SOX5: variants seen among roughly 807,000 people sequenced by gnomAD.
SOX5 encodes transcription factor SOX-5.
A neutral mutation model predicts 92.0 loss-of-function variants in SOX5; 9 were observed. The ratio of observed to expected loss-of-function variants is 0.10; its 90% CI spans 0.06 to 0.17. The LOEUF is 0.17. Ranked by LOEUF, SOX5 falls within the 10% of genes least tolerant of loss-of-function variation. The pLI is 1.00. For synonymous variants in SOX5, 344 were observed against 336.3 expected, an observed-to-expected ratio of 1.02 and a Z score of -0.25; for missense variants, 642 against 944.5, an observed-to-expected ratio of 0.68 and a Z score of 4.20.
chr12:24,214,611 T>C (rs1853882821), intron 3 of SOX5, among the ~76,000 whole-genome samples: 1 of 152,084 alleles, frequency 6.6e-6, no homozygotes, highest in Non-Finnish European at 1.5e-5. Context: ...TTATTAAAAT[T>C]GTATAAATAA....
chr12:24,306,198 C>G (rs1350087692), intron 2 of SOX5, among the ~76,000 whole-genome samples: 1 of 152,160 alleles, frequency 6.6e-6, no homozygotes, highest in African/African-American at 2.4e-5. Context: ...TGGGCGTTTG[C>G]TGTTCACCTC....
chr12:24,001,267 T>G (rs1423644747), intron 4 of SOX5, among the ~76,000 whole-genome samples: 1 of 152,038 alleles, frequency 6.6e-6, no homozygotes, highest in East Asian at 1.9e-4. Flanking sequence ...TTTTTTGGTT[T>G]TTTAAACAGA....
chr12:23,608,108 G>GAAAAAAAA (rs1566278538), intron 8 of SOX5, among the ~76,000 whole-genome samples: 3 of 5,676 alleles, frequency 5.3e-4, no homozygotes, highest in African/African-American at 7.7e-4. Flanking sequence ...TGTCTCAAAA[G>GAAAAAAAA]AAAAAAGAAA....
intron 4 of SOX5, among the ~76,000 whole-genome samples, chr12:24,112,783 A>T (rs1248041164): frequency 1.3e-5 from 2 of 151,476 alleles, no homozygotes; most frequent in South Asian, 4.2e-4. Context: ...CAATCTGCCT[A>T]CCCACCTTGG....
chr12:24,366,860 T>C (rs1192268216), intron 2 of SOX5, among the ~76,000 whole-genome samples: 1 of 151,988 alleles, frequency 6.6e-6, no homozygotes, highest in Non-Finnish European at 1.5e-5. Context: ...TCCTTTTCAA[T>C]TAAATTTACA....
chr12:23,558,698 G>C (rs958287100), intron 11 of SOX5, among the ~76,000 whole-genome samples: 1 of 152,194 alleles, frequency 6.6e-6, no homozygotes, highest in African/African-American at 2.4e-5. Context: ...TGCCTCCCAG[G>C]TTCAAGTGAT....
chr12:24,167,137 C>T (rs902672915), intron 4 of SOX5, among the ~76,000 whole-genome samples: 23 of 152,162 alleles, frequency 1.5e-4, no homozygotes, highest in Admixed American at 2.6e-4. Context: ...CTGTGTAATA[C>T]GACAAGGACC....
At chr12:23,951,957 C>T (rs936005183), upstream of SOX5, among the ~76,000 whole-genome samples, 3 of 152,120 alleles carry the variant, frequency 2.0e-5, no homozygotes, top group South Asian at 6.2e-4. Context: ...TTTTTTCAGC[C>T]CTTAAGGGAC....
chr12:24,238,598 C>G lies in SOX5; in HGVS notation c.-76-25181G>C, dbSNP rs148464656. 4.6e-4 allele frequency among the ~76,000 whole-genome samples: 70 copies of G among 152,288 alleles called. No individual in the cohort carries two copies. In the East Asian group the frequency reaches 0.01, roughly 23 times the overall value. On this transcript the variant is annotated intron_variant, in intron 3 of 4. Coordinates refer to the SOX5 transcript ENST00000446891. ...TCTTAAACTCCTGAGCTCAAGTCAT[C>G]AGTCTTCCTCAGCTTCCCAAAGTGC...
At chr12:23,803,072 T>G (rs1417649384) in intron 3 of SOX5, among the ~76,000 whole-genome samples, 1 of 152,218 alleles carries the variant, frequency 6.6e-6, no homozygotes, top group East Asian at 1.9e-4. Context: ...GTGCCAGAAT[T>G]AGCTTCTCTA....
chr12:23,892,916 ACT>A (rs1438494177), intron 2 of SOX5, among the ~76,000 whole-genome samples: 1 of 152,068 alleles, frequency 6.6e-6, no homozygotes, highest in Non-Finnish European at 1.5e-5. Flanking sequence ...CAGTTAAGAA[ACT>A]CTTGCTTTAG....
At chr12:23,694,746 T>C (rs187948277) in intron 6 of SOX5, among the ~76,000 whole-genome samples, 46 of 152,060 alleles carry the variant, frequency 3.0e-4, no homozygotes, top group African/African-American at 1.1e-3. Flanking sequence ...ACTATAGTTT[T>C]GCATTTTATA....
In SOX5 at chr12:23,992,932, A is replaced by G. The variant is rs946667171; in HGVS notation, c.-1-96908T>C. ...CAACCACTCTATAGTGGAATATGTG[A>G]AAGAAAAAAGAAGGATGACAAAATA... On this transcript the variant is annotated intron_variant, in intron 4 of 4. Coordinates refer to the SOX5 transcript ENST00000446891. 6.6e-5 allele frequency among the ~76,000 whole-genome samples: 10 copies of G among 152,296 alleles called. No individual in the cohort carries two copies. In the East Asian group the frequency reaches 1.7e-3, roughly 26 times the overall value.
chr12:24,104,509 GA>G (rs1314536481), intron 4 of SOX5, among the ~76,000 whole-genome samples: 2 of 152,156 alleles, frequency 1.3e-5, no homozygotes, highest in Non-Finnish European at 2.9e-5. Context: ...GATGTTTAGG[GA>G]AAAATTAAGT....
intron 4 of SOX5, among the ~76,000 whole-genome samples, chr12:23,744,840 G>T (rs1279011441): frequency 6.6e-6 from 1 of 152,132 alleles, no homozygotes; most frequent in Non-Finnish European, 1.5e-5. Flanking sequence ...TTGCCTTACA[G>T]TTCTGGATGC....
chr12:24,011,214 AT>A (rs937425168), intron 4 of SOX5, among the ~76,000 whole-genome samples: 49 of 147,972 alleles, frequency 3.3e-4, no homozygotes, highest in African/African-American at 1.1e-3. Context: ...AATTAATCAA[AT>A]TAAAAAAAAT....
intron 4 of SOX5, among the ~76,000 whole-genome samples, chr12:24,106,829 A>AT (rs1436743605): frequency 2.0e-5 from 3 of 147,874 alleles, no homozygotes; most frequent in African/African-American, 7.4e-5. Context: ...AATAATAATA[A>AT]TAATAATAAT....
At chr12:24,009,354 G>A (rs1952658799) in intron 4 of SOX5, among the ~76,000 whole-genome samples, 1 of 152,134 alleles carries the variant, frequency 6.6e-6, no homozygotes, top group African/African-American at 2.4e-5. Context: ...GACTAGGTAG[G>A]AATTAGACTT....
chr12:24,088,550 A>C (rs1944281105), intron 4 of SOX5, among the ~76,000 whole-genome samples: 1 of 151,900 alleles, frequency 6.6e-6, no homozygotes, highest in African/African-American at 2.4e-5. Context: ...TGATAACTTG[A>C]ATCTAAGCAA....
Sources: gnomAD v4.1 joint callset for allele counts (sites outside exome capture counted in the v4.1 genomes callset) on GRCh38, gnomAD v4.1.1 for gene constraint, MANE v1.5 for transcripts, NCBI Gene and HGNC (gene_info 2026-07-23, HGNC 2026-07-21) for gene names.